The following PCDHGA7 variants were observed in gnomAD, a reference collection of about 807,000 sequenced individuals.
PCDHGA7 encodes the protein protocadherin gamma-A7.
PCDHGA7 carries 44 observed loss-of-function variants against 58.3 expected under a neutral mutation model. The observed-to-expected ratio is 0.75, with a 90% CI of 0.59 to 0.97. PCDHGA7 has a LOEUF of 0.97. PCDHGA7 is among the 50% of genes least tolerant of loss of function. The pLI is 0.00. For missense variants in PCDHGA7, 1,266 were observed against 1,188.7 expected (o/e 1.06, Z -0.96); for synonymous variants, 516 against 504.2 (o/e 1.02, Z -0.31).
intron 1 of PCDHGA7, among the ~76,000 whole-genome samples, chr5:141,397,514 A>G (rs537343615): frequency 1.3e-5 from 2 of 152,324 alleles, no homozygotes; most frequent in Non-Finnish European, 2.9e-5. Context: ...TTGTTTCCAT[A>G]GCTAATAAAA....
At chr5:141,459,829 G>A in intron 1 of PCDHGA7, among the ~76,000 whole-genome samples, 1 of 152,178 alleles carries the variant, frequency 6.6e-6, no homozygotes, top group East Asian at 1.9e-4. Flanking sequence ...AACTTTTCAT[G>A]TGTTGTCTAT....
chr5:141,404,685 C>T (rs554522683), intron 1 of PCDHGA7: 1 of 1,614,010 alleles, frequency 6.2e-7, no homozygotes, highest in South Asian at 1.1e-5. Flanking sequence ...GTGGAGCTGG[C>T]ACCCCGCTCT....
Position 141,384,588 on chromosome 5 carries a change from G to A in PCDHGA7, c.1689G>A (p.Leu563=). 1 of 1,614,242 alleles carries A rather than the reference G, an allele frequency of 6.2e-7. No homozygotes were observed. Among genetic ancestry groups the A allele is most frequent in the Non-Finnish European group, 8.5e-7 (1 of 1,180,038 alleles). The change falls in exon 1 of 4, where the codon CTG becomes CTA. Residue 563 remains leucine (L), a synonymous_variant. Coordinates refer to ENST00000518325, the MANE Select transcript of PCDHGA7 (RefSeq NM_018920.4). ...AGAATGACAACCCGCCCGAGATCCTGTACCCGGCCCTCCCCACAGATGGTT... is the reference window on the plus strand; with the variant it reads ...AGAATGACAACCCGCCCGAGATCCTATACCCGGCCCTCCCCACAGATGGTT... The part of the protein sequence containing the change: ...LDQNDNPPEI[L]YPALPTDGST...
chr5:141,478,870 GT>G, intron 1 of PCDHGA7: 1 of 1,273,360 alleles, frequency 7.9e-7, no homozygotes, highest in Non-Finnish European at 1.0e-6. Context: ...AGCGATCAGA[GT>G]TTAGCTTGGT....
At chr5:141,470,825 C>G (rs557419577) in intron 1 of PCDHGA7, among the ~76,000 whole-genome samples, 24 of 152,182 alleles carry the variant, frequency 1.6e-4, no homozygotes, top group African/African-American at 4.1e-4. Context: ...GTAGTTAGGA[C>G]GACAAACACA....
intron 1 of PCDHGA7, chr5:141,410,680 G>A: frequency 6.5e-7 from 1 of 1,535,692 alleles, no homozygotes; most frequent in Non-Finnish European, 8.7e-7. Flanking sequence ...TCATATTTTA[G>A]GCATACTACT....
At chr5:141,399,445 G>A (rs2093810599) in intron 1 of PCDHGA7, 1 of 1,614,032 alleles carries the variant, frequency 6.2e-7, no homozygotes, top group Non-Finnish European at 8.5e-7. Context: ...ACATATCAGA[G>A]ACGTCAACGA....
chr5:141,431,607 A>G lies in PCDHGA7; in HGVS notation c.2424+46284A>G. ...GCGGAAGTGAGGTATTCCTTCCGGT[A>G]TGTGGACGACAAGGCGGCCCAAGTT... is the stretch of plus-strand genomic sequence containing the variant. On this transcript the variant is annotated intron_variant, in intron 1 of 3. Transcript: ENST00000518325. The surrounding 1 kb of genome is among the most constrained non-coding windows in gnomAD (Gnocchi z 4.8). 6.2e-7 allele frequency: 1 copy of G among 1,614,230 alleles called. No individual in the cohort carries two copies. Among genetic ancestry groups the G allele is most frequent in the Non-Finnish European group, 8.5e-7 (1 of 1,180,040 alleles).
chr5:141,461,988 T>A (rs771762127), intron 1 of PCDHGA7, among the ~76,000 whole-genome samples: 1 of 152,170 alleles, frequency 6.6e-6, no homozygotes, highest in Non-Finnish European at 1.5e-5. Flanking sequence ...CACGCCAGGC[T>A]AATTTTGTAT....
rs1396618267 is a variant in PCDHGA7, at chr5:141,421,234, A to T, written c.2424+35911A>T. On this transcript the variant is annotated intron_variant, in intron 1 of 3. Coordinates refer to ENST00000518325, the MANE Select transcript of PCDHGA7 (RefSeq NM_018920.4). ...TATCGGCTTAGAGCCTGCCATGGCG[A>T]ATCGGCTACAGCGCGGGGACCGCAG... 7 of 1,593,656 alleles carry T rather than the reference A, an allele frequency of 4.4e-6. No homozygotes were observed. In the African/African-American group the frequency reaches 9.4e-5, roughly 21 times the overall value.
Position 141,485,844 on chromosome 5 carries a change from G to T in PCDHGA7, c.2425-8963G>T. On this transcript the variant is annotated intron_variant, in intron 1 of 3. Transcript: ENST00000518325. This position sits in a 1 kb window ranked among gnomAD's most constrained non-coding sequence, Gnocchi z 5.7. ...GATGGAGGGAACCCGCCGAGATCTG[G>T]CACCGCAGAGCTCCGGGTATCCGTG... The T allele has an allele frequency of 1.9e-6, 3 of 1,613,890 alleles. 1 individual carries two copies. The South Asian group carries it at 3.3e-5, about 18-fold the overall frequency.
intron 1 of PCDHGA7, chr5:141,421,703 G>A: frequency 1.2e-6 from 2 of 1,613,946 alleles, no homozygotes; most frequent in Middle Eastern, 1.6e-4. Context: ...CCTAATGCTA[G>A]GGATCCAGAT....
At chr5:141,474,772 G>T (rs1053853138) in intron 1 of PCDHGA7, among the ~76,000 whole-genome samples, 1 of 152,182 alleles carries the variant, frequency 6.6e-6, no homozygotes, top group Non-Finnish European at 1.5e-5. Context: ...AATAGTATGA[G>T]GCTCTAACAC....
intron 1 of PCDHGA7, chr5:141,388,456 A>G: frequency 5.0e-6 from 8 of 1,613,810 alleles, no homozygotes; most frequent in Non-Finnish European, 5.9e-6. Flanking sequence ...GGCAGTAAAT[A>G]CCCTGAGATG....
Position 141,490,446 on chromosome 5 carries a change from C to T in PCDHGA7, c.2425-4361C>T, listed in dbSNP as rs779502898. 2.5e-6 allele frequency: 4 copies of T among 1,614,196 alleles called. No homozygotes were observed. The highest frequency in any genetic ancestry group is 3.4e-6 in the Non-Finnish European group (4 of 1,180,016). ...CATTTCAGATTAAGCCTTCTGAGAA[C>T]CACTACTCGCTGCTAACCAGCCAGC... On this transcript the variant is annotated intron_variant, in intron 1 of 3. Coordinates refer to ENST00000518325, the MANE Select transcript of PCDHGA7 (RefSeq NM_018920.4). The surrounding 1 kb of genome is among the most constrained non-coding windows in gnomAD (Gnocchi z 5.4).
chr5:141,383,634 T>C lies in PCDHGA7; in HGVS notation c.735T>C (p.Pro245=). The C allele has an allele frequency of 6.2e-7, 1 of 1,613,914 alleles. No individual in the cohort carries two copies. The highest frequency in any genetic ancestry group is 8.5e-7 in the Non-Finnish European group (1 of 1,179,872). The stretch of plus-strand genomic sequence containing the variant: ...ACCACACGCCTGTCTTCTCTCTGCC[T>C]CAGTACCAAGTAACTGTCCCCGAGA... ...VNDHTPVFSL[P]QYQVTVPENV... is the part of the protein sequence containing the mutation. The change falls in exon 1 of 4, where the codon CCT becomes CCC. Residue 245 remains proline (P), a synonymous_variant. Coordinates refer to ENST00000518325, the MANE Select transcript of PCDHGA7 (RefSeq NM_018920.4).
intron 1 of PCDHGA7, chr5:141,398,647 C>T: frequency 6.2e-7 from 1 of 1,614,070 alleles, no homozygotes; most frequent in Non-Finnish European, 8.5e-7. Context: ...TAAACTCTCT[C>T]TTAACCCAAG....
Position 141,489,424 on chromosome 5 carries a change from C to T in PCDHGA7, c.2425-5383C>T, listed in dbSNP as rs758049228. The T allele has an allele frequency of 5.0e-5, 80 of 1,613,958 alleles. No homozygotes were observed. In the Admixed American group the frequency reaches 1.1e-3, roughly 23 times the overall value. On this transcript the variant is annotated intron_variant, in intron 1 of 3. Coordinates refer to ENST00000518325, the MANE Select transcript of PCDHGA7 (RefSeq NM_018920.4). The surrounding 1 kb of genome is among the most constrained non-coding windows in gnomAD (Gnocchi z 4.5). ...CTTAAAGATGACAGATCTGTTGAGC[C>T]GGCGGCTGCAATTGGGCTCTGAGGA...
intron 1 of PCDHGA7, among the ~76,000 whole-genome samples, chr5:141,450,470 AGTTT>A (rs199699353): frequency 4.6e-5 from 7 of 151,680 alleles, no homozygotes; most frequent in Non-Finnish European, 8.8e-5. Flanking sequence ...TTATATATAG[AGTTT>A]GTTTGTTTGT....
Sources: allele counts gnomAD v4.1 joint callset (sites outside exome capture counted in the v4.1 genomes callset), GRCh38; gene constraint gnomAD v4.1.1; non-coding constraint Gnocchi (gnomAD v3.1); transcripts MANE v1.5; gene names NCBI Gene and HGNC (gene_info 2026-07-23, HGNC 2026-07-21).